SHISA9: variants seen among roughly 807,000 people sequenced by gnomAD.
SHISA9 encodes the protein protein shisa-9.
In SHISA9, 13 loss-of-function variants were observed where a neutral mutation model predicts 38.0. The observed-to-expected ratio is 0.34, with a 90% CI of 0.22 to 0.54. SHISA9 has a LOEUF of 0.54. Ranked by LOEUF, SHISA9 falls within the 20% of genes least tolerant of loss-of-function variation. The pLI is 0.91. For missense variants in SHISA9, 538 were observed against 575.8 expected (o/e 0.93, Z 0.67); for synonymous variants, 275 against 242.0 (o/e 1.14, Z -1.27).
chr16:13,198,282 G>GTA, intron 2 of SHISA9, among the ~76,000 whole-genome samples: 1 of 146,672 alleles, frequency 6.8e-6, no homozygotes, highest in African/African-American at 2.5e-5. Context: ...ATATATACTT[G>GTA]TGTGTATATG....
the SHISA9 span, among the ~76,000 whole-genome samples, chr16:13,446,683 G>A: frequency 6.6e-6 from 1 of 152,002 alleles, no homozygotes; most frequent in African/African-American, 2.4e-5. Flanking sequence ...GAATCAGAAA[G>A]GATAAGATCC....
the SHISA9 span, among the ~76,000 whole-genome samples, chr16:13,367,736 A>ACAAC: frequency 6.9e-6 from 1 of 144,088 alleles, no homozygotes; most frequent in African/African-American, 2.8e-5. Flanking sequence ...ACACACACAC[A>ACAAC]CACACACACA....
chr16:13,028,717 C>T (rs2072955475), intron 2 of SHISA9, among the ~76,000 whole-genome samples: 1 of 152,158 alleles, frequency 6.6e-6, no homozygotes, highest in South Asian at 2.1e-4. Flanking sequence ...CTCAGCTCAG[C>T]AATCCCCATG....
chr16:13,456,380 T>A, the SHISA9 span, among the ~76,000 whole-genome samples: 1 of 152,202 alleles, frequency 6.6e-6, no homozygotes, highest in African/African-American at 2.4e-5. Flanking sequence ...AGCTTAATAA[T>A]CATGTTTTTT....
intron 1 of SHISA9, among the ~76,000 whole-genome samples, chr16:12,916,007 GTGTGTT>G: frequency 8.0e-6 from 1 of 124,784 alleles, no homozygotes; most frequent in Non-Finnish European, 1.7e-5. Flanking sequence ...GTGTGTGTGT[GTGTGTT>G]TTTTTTTTTT....
the SHISA9 span, among the ~76,000 whole-genome samples, chr16:13,251,591 C>T: frequency 1.3e-5 from 2 of 152,172 alleles, no homozygotes; most frequent in African/African-American, 4.8e-5. Flanking sequence ...TTTCTTCCAG[C>T]TCCTCAGAGG....
At chr16:13,395,418 C>T in the SHISA9 span, among the ~76,000 whole-genome samples, 1 of 152,194 alleles carries the variant, frequency 6.6e-6, no homozygotes, top group Non-Finnish European at 1.5e-5. Flanking sequence ...AGCATAAGTC[C>T]TCTGCTCAAG....
intron 2 of SHISA9, among the ~76,000 whole-genome samples, chr16:13,072,748 C>G (rs930266724): frequency 6.6e-6 from 1 of 151,978 alleles, no homozygotes; most frequent in Non-Finnish European, 1.5e-5. Context: ...GCAACCTCCA[C>G]CTCCTGGGTT....
intron 2 of SHISA9, among the ~76,000 whole-genome samples, chr16:12,995,931 G>A (rs2141836752): frequency 2.0e-5 from 3 of 152,266 alleles, no homozygotes; most frequent in Non-Finnish European, 4.4e-5. Flanking sequence ...GGCTCTGATG[G>A]TGCTTCTTGA....
chr16:13,175,628 T>G (rs1267288627), intron 2 of SHISA9, among the ~76,000 whole-genome samples: 1 of 152,198 alleles, frequency 6.6e-6, no homozygotes, highest in African/African-American at 2.4e-5. Flanking sequence ...GAAAGTTATT[T>G]TTCAACTGGT....
At chr16:12,990,897 G>A (rs2072376190) in intron 2 of SHISA9, among the ~76,000 whole-genome samples, 1 of 152,178 alleles carries the variant, frequency 6.6e-6, no homozygotes, top group Admixed American at 6.5e-5. Flanking sequence ...GGGATTGATT[G>A]CTAGAAGGGG....
At chr16:13,516,817 G>A in the SHISA9 span, among the ~76,000 whole-genome samples, 94 of 150,818 alleles carry the variant, frequency 6.2e-4, 2 homozygotes, top group African/African-American at 2.0e-3. Context: ...AAAAATTACA[G>A]GGAAGGAGAG....
chr16:13,437,093 A>C, the SHISA9 span, among the ~76,000 whole-genome samples: 5 of 152,170 alleles, frequency 3.3e-5, no homozygotes, highest in Non-Finnish European at 7.3e-5. Context: ...CCCATGGCAC[A>C]TTACGGGAGC....
At chr16:13,382,903 C>CT in the SHISA9 span, among the ~76,000 whole-genome samples, 2 of 152,198 alleles carry the variant, frequency 1.3e-5, no homozygotes, top group East Asian at 3.9e-4. Context: ...TGTTATAACA[C>CT]TTTTTTTGAT....
At chr16:13,340,225 G>A in the SHISA9 span, among the ~76,000 whole-genome samples, 1 of 152,198 alleles carries the variant, frequency 6.6e-6, no homozygotes. Context: ...GGGAGGATAA[G>A]CCATCTGCCT....
intron 2 of SHISA9, among the ~76,000 whole-genome samples, chr16:12,990,370 C>T (rs988851711): frequency 6.6e-6 from 1 of 152,212 alleles, no homozygotes; most frequent in Non-Finnish European, 1.5e-5. Context: ...CTGTCTTCCA[C>T]AATGGTTGAA....
intron 2 of SHISA9, among the ~76,000 whole-genome samples, chr16:12,985,492 G>T (rs769110860): frequency 5.9e-5 from 9 of 152,122 alleles, no homozygotes; most frequent in Non-Finnish European, 1.3e-4. Context: ...TCCCTGGCAC[G>T]CTGTGGGCAC....
intron 2 of SHISA9, among the ~76,000 whole-genome samples, chr16:12,944,306 T>C (rs1306230502): frequency 1.3e-5 from 2 of 152,246 alleles, no homozygotes; most frequent in African/African-American, 4.8e-5. Flanking sequence ...ATTTCTAGGC[T>C]GTCTTGACCT....
chr16:13,469,389 G>GGAA, the SHISA9 span, among the ~76,000 whole-genome samples: 1 of 101,566 alleles, frequency 9.8e-6, no homozygotes, highest in African/African-American at 4.0e-5. Context: ...AAGAAAGAAA[G>GGAA]AAAGAAAGAA....
Sources: allele counts gnomAD v4.1 joint callset (sites outside exome capture counted in the v4.1 genomes callset), GRCh38; gene constraint gnomAD v4.1.1; transcripts MANE v1.5; gene names NCBI Gene and HGNC (gene_info 2026-07-23, HGNC 2026-07-21).